Variants in CBL observed in about 807,000 individuals in gnomAD.
CBL encodes the protein Cbl proto-oncogene.
CBL carries 45 observed loss-of-function variants against 96.9 expected under a neutral mutation model. The observed-to-expected ratio is 0.46, with a 90% CI of 0.37 to 0.60. CBL has a LOEUF of 0.60. Among genes scored for constraint, CBL ranks in the 20% least tolerant of loss-of-function variants. The pLI is 0.00. For missense variants in CBL, 1,024 were observed against 1,143.5 expected (o/e 0.90, Z 1.51); for synonymous variants, 420 against 426.8 (o/e 0.98, Z 0.20).
Position 119,221,262 on chromosome 11 carries a change from T to C in CBL, c.196-11186T>C, listed in dbSNP as rs560244515. On this transcript the variant is annotated intron_variant, in intron 1 of 15. Transcript: ENST00000264033. ...CATCTCAGAAAAAAAAAAAAAAGTA[T>C]AGGTTTCCGGCTGGGCACCGTGGCA... is the stretch of plus-strand genomic sequence containing the variant. 5.4e-5 allele frequency among the ~76,000 whole-genome samples: 8 copies of C among 149,164 alleles called. No homozygotes were observed. The South Asian group carries it at 1.1e-3, about 20-fold the overall frequency.
chr11:119,295,674 T>C (rs1950058411), intron 12 of CBL, among the ~76,000 whole-genome samples: 1 of 152,072 alleles, frequency 6.6e-6, no homozygotes, highest in Admixed American at 6.6e-5. Flanking sequence ...CTGCAGTGGG[T>C]TGTCATCATG....
rs201620100 is a variant in CBL, at chr11:119,298,487, C to G, written c.2381C>G (p.Ser794Cys). Residue 794 changes from serine (S) to cysteine (C), a missense_variant, in exon 15 of 16, where the codon TCT (serine) becomes TGT (cysteine). By Grantham distance (112) the Ser-to-Cys change is moderately radical (BLOSUM62 -1). This residue lies in a region of CBL where 695 missense variants were observed against 661.6 expected (regional missense o/e 1.05). Coordinates refer to ENST00000264033, the MANE Select transcript of CBL (RefSeq NM_005188.4). ...GCCCGCCGAACTCTCTCAGATATCT[C>G]TAATGCCAGCTCCTCCTTTGGCTGG... is the stretch of plus-strand genomic sequence containing the variant. ...VLARRTLSDI[S>C]NASSSFGWLS... is the part of the protein sequence containing the mutation. The G allele has an allele frequency of 1.9e-6, 3 of 1,614,204 alleles. No individual in the cohort carries two copies. Among genetic ancestry groups the G allele is most frequent in the East Asian group, 2.2e-5 (1 of 44,880 alleles).
In CBL at chr11:119,285,565, T is replaced by C; in HGVS notation, c.1940T>C (p.Met647Thr). 1 of 1,613,830 alleles carries C rather than the reference T, an allele frequency of 6.2e-7. No individual in the cohort carries two copies. Among genetic ancestry groups the C allele is most frequent in the Non-Finnish European group, 8.5e-7 (1 of 1,180,014 alleles). The change falls in exon 11 of 16, where the codon ATG becomes ACG. Residue 647 changes from methionine (M) to threonine (T), a missense_variant and splice_region_variant. Around this residue, in one of 4 missense-constraint regions of CBL, gnomAD observed 695 missense variants for 661.6 expected, o/e 1.05. Transcript: ENST00000264033. ...LGSTFSLDTS[M>T]SMNSSPLVGP... ...AGCACGTTCAGTCTGGATACCTCCA[T>C]GGTGAGTCTTAATTTTGAAACTATC...
chr11:119,264,718 G>A (rs1176199940), intron 2 of CBL, among the ~76,000 whole-genome samples: 3 of 151,886 alleles, frequency 2.0e-5, no homozygotes, highest in Non-Finnish European at 4.4e-5. Context: ...GTGAGCTCAA[G>A]TGATCTGCCT....
At chr11:119,269,185 T>C (rs1276477955) in intron 2 of CBL, among the ~76,000 whole-genome samples, 1 of 151,288 alleles carries the variant, frequency 6.6e-6, no homozygotes, top group Non-Finnish European at 1.5e-5. Context: ...TAAACAATAA[T>C]CAAAGGATCT....
chr11:119,255,372 T>C (rs191091741), intron 2 of CBL, among the ~76,000 whole-genome samples: 82 of 152,228 alleles, frequency 5.4e-4, no homozygotes, highest in African/African-American at 1.9e-3. Flanking sequence ...CATGATGGCT[T>C]GGACTAAGGT....
intron 6 of CBL, among the ~76,000 whole-genome samples, chr11:119,277,515 A>G (rs1949899178): frequency 6.6e-6 from 1 of 152,220 alleles, no homozygotes. Context: ...GATAGAGCCT[A>G]TGGCATTGTT....
At chr11:119,284,834 G>T in intron 9 of CBL, 135 bp from the exon 10 acceptor site, 1 of 1,026,586 alleles carries the variant, frequency 9.7e-7, no homozygotes, top group Non-Finnish European at 1.5e-6. Flanking sequence ...GAGGGTGTGT[G>T]CGACCTCAAA....
chr11:119,216,698 T>C (rs1949363778), intron 1 of CBL, among the ~76,000 whole-genome samples: 1 of 152,172 alleles, frequency 6.6e-6, no homozygotes, highest in Admixed American at 6.6e-5. Flanking sequence ...CAGCAGCACA[T>C]AACTGTAGCA....
Position 119,285,172 on chromosome 11 carries a change from TCACCCTGCTTC to T in CBL, c.1564-13_1564-3del, listed in dbSNP as rs759801355. On this transcript the variant is annotated splice_region_variant and splice_polypyrimidine_tract_variant and intron_variant, in intron 10 of 15. Transcript: ENST00000264033. ...CTAGTGGGTTTTTACTGATTTGCTT[TCACCCTGCTTC>T]CACAGGCTGCTTCTGGCTCCCTTCA... The T allele has an allele frequency of 3.8e-5, 62 of 1,614,066 alleles. No homozygotes were observed. The African/African-American group carries it at 7.6e-4, about 20-fold the overall frequency.
Position 119,303,311 on chromosome 11 carries a change from C to G in CBL, c.*3530C>G, listed in dbSNP as rs761424327. The stretch of plus-strand genomic sequence containing the variant: ...GTTGGCCTTTCTGACTCTGGAATGA[C>G]CACTGTTCATTGAAAAATAGTTTTC... On this transcript the variant is annotated 3_prime_UTR_variant, in exon 16 of 16. Coordinates refer to ENST00000264033, the MANE Select transcript of CBL (RefSeq NM_005188.4). 8.6e-6 allele frequency: 2 copies of G among 233,030 alleles called. No individual in the cohort carries two copies. Among genetic ancestry groups the G allele is most frequent in the Non-Finnish European group, 1.7e-5 (2 of 117,728 alleles). 14.4% of individuals were successfully genotyped at this position (233,030 alleles called of 1,614,324 possible). A position where few individuals can be genotyped will look rare whatever the true frequency, so the allele number is the denominator to read the frequency against.
rs774166893 is a variant in CBL at position 119,299,520 on chromosome 11, C to T, written c.2460C>T (p.Pro820=). ...ATGTCACTGAAGGTTCCCAAGTTCCCGAGAGGCCTCCAAAACCATTCCCGC... is the reference window on the plus strand; with the variant it reads ...ATGTCACTGAAGGTTCCCAAGTTCCTGAGAGGCCTCCAAAACCATTCCCGC... ...TTNVTEGSQV[P]ERPPKPFPRR... Residue 820 remains proline, a synonymous_variant, in exon 16 of 16, where the codon CCC becomes CCT. Coordinates refer to ENST00000264033, the MANE Select transcript of CBL (RefSeq NM_005188.4). 1.4e-5 allele frequency: 22 copies of T among 1,614,028 alleles called. No homozygotes were observed. The highest frequency in any genetic ancestry group is 5.5e-5 in the South Asian group (5 of 91,084).
At chr11:119,251,992 C>A (rs897392711) in intron 2 of CBL, among the ~76,000 whole-genome samples, 4 of 152,186 alleles carry the variant, frequency 2.6e-5, no homozygotes, top group Non-Finnish European at 5.9e-5. Context: ...GCTAGAGATA[C>A]CTAGTAGTGT....
In CBL at chr11:119,232,539, G is replaced by T; in HGVS notation, c.287G>T (p.Arg96Leu). ...DLLPDTYQHLRTILSRYEGKM... is the reference protein window; with the variant it reads ...DLLPDTYQHLLTILSRYEGKM... ...CTACCAGATACCTACCAGCATCTCCGTACTATCTTGTCAAGATATGAGGGG... is the reference window on the plus strand; with the variant it reads ...CTACCAGATACCTACCAGCATCTCCTTACTATCTTGTCAAGATATGAGGGG... Residue 96 changes from arginine (R) to leucine (L), a missense_variant, in exon 2 of 16, where the codon CGT becomes CTT. Around this residue, in one of 4 missense-constraint regions of CBL, gnomAD observed 192 missense variants for 321.8 expected, o/e 0.60. Coordinates refer to ENST00000264033, the MANE Select transcript of CBL (RefSeq NM_005188.4). 6.2e-7 allele frequency: 1 copy of T among 1,613,922 alleles called. No homozygotes were observed. The highest frequency in any genetic ancestry group is 2.2e-5 in the East Asian group (1 of 44,880).
chr11:119,224,339 A>G (rs1949437633), intron 1 of CBL, among the ~76,000 whole-genome samples: 1 of 152,066 alleles, frequency 6.6e-6, no homozygotes, highest in South Asian at 2.1e-4. Flanking sequence ...CTAGGAGGTT[A>G]GGGGCACAGA....
chr11:119,291,462 T>C (rs1214208409), intron 12 of CBL, among the ~76,000 whole-genome samples: 1 of 152,114 alleles, frequency 6.6e-6, no homozygotes, highest in Non-Finnish European at 1.5e-5. Context: ...TCTCAGCATT[T>C]TGGGAGGCCG....
chr11:119,291,392 T>A (rs1434110310), intron 12 of CBL, among the ~76,000 whole-genome samples: 1 of 152,052 alleles, frequency 6.6e-6, no homozygotes, highest in East Asian at 1.9e-4. Context: ...CTCAAAAAAA[T>A]AAAATTGAAA....
chr11:119,256,987 A>G (rs1163868892), intron 2 of CBL, among the ~76,000 whole-genome samples: 1 of 152,152 alleles, frequency 6.6e-6, no homozygotes, highest in Non-Finnish European at 1.5e-5. Flanking sequence ...GCAGGCACTT[A>G]GGTTGGTTCC....
chr11:119,272,192 A>G (rs1362496394), intron 3 of CBL, among the ~76,000 whole-genome samples: 1 of 151,970 alleles, frequency 6.6e-6, no homozygotes, highest in Non-Finnish European at 1.5e-5. Flanking sequence ...TGCGATCTCC[A>G]CTTACTGCAA....
Sources: gnomAD v4.1 joint callset for allele counts (sites outside exome capture counted in the v4.1 genomes callset) on GRCh38, gnomAD v4.1.1 for gene constraint, gnomAD v4.1.1 regional missense constraint, MANE v1.5 for transcripts, NCBI Gene and HGNC (gene_info 2026-07-23, HGNC 2026-07-21) for gene names.